ZFHX3: variants seen among roughly 807,000 people sequenced by gnomAD.
ZFHX3 encodes the protein zinc finger homeobox 3.
In ZFHX3, 42 loss-of-function variants were observed where a neutral mutation model predicts 279.1. The ratio of observed to expected loss-of-function variants is 0.15; its 90% CI spans 0.12 to 0.19. The LOEUF (loss-of-function observed/expected upper bound fraction) is 0.19, where lower values mean the gene tolerates loss of function less well. Among genes scored for constraint, ZFHX3 ranks in the 10% least tolerant of loss-of-function variants. The pLI is 1.00. For missense variants in ZFHX3, 4,981 were observed against 4,754.0 expected, an observed-to-expected ratio of 1.05 and a Z score of -1.40; for synonymous variants, 2,293 against 1,957.8, an observed-to-expected ratio of 1.17 and a Z score of -4.52.
intron 2 of ZFHX3, among the ~76,000 whole-genome samples, chr16:73,508,379 G>C (rs1318782390): frequency 2.0e-5 from 3 of 152,226 alleles, no homozygotes; most frequent in Non-Finnish European, 4.4e-5. Flanking sequence ...AAGAGGAGGA[G>C]GAGGAAATGC....
chr16:73,515,300 C>G (rs1356598128), intron 2 of ZFHX3, among the ~76,000 whole-genome samples: 1 of 152,154 alleles, frequency 6.6e-6, no homozygotes, highest in East Asian at 1.9e-4. Context: ...ACACCACCTT[C>G]AATAGGAGCA....
At chr16:73,402,570 C>T (rs962918120) in intron 3 of ZFHX3, 6 of 152,212 alleles carry the variant, frequency 3.9e-5, no homozygotes, top group African/African-American at 1.4e-4. Flanking sequence ...AGACCAGGAA[C>T]GACCTGTGGA....
chr16:73,856,631 T>C (rs986849835), intron 1 of ZFHX3, among the ~76,000 whole-genome samples: 3 of 152,248 alleles, frequency 2.0e-5, no homozygotes. Context: ...GCCTGTAGCA[T>C]CTGTGAATAC....
chr16:73,521,612 G>A (rs1467242249), intron 2 of ZFHX3, among the ~76,000 whole-genome samples: 1 of 151,996 alleles, frequency 6.6e-6, no homozygotes, highest in East Asian at 1.9e-4. Context: ...AGGCCGTTGT[G>A]AGAAAATGTA....
At chr16:73,308,730 A>G (rs1458312307) in intron 4 of ZFHX3, among the ~76,000 whole-genome samples, 1 of 152,058 alleles carries the variant, frequency 6.6e-6, no homozygotes, top group Non-Finnish European at 1.5e-5. Context: ...TGTTTTCAGA[A>G]CCATTTTTGA....
intron 7 of ZFHX3, among the ~76,000 whole-genome samples, chr16:73,115,266 C>A (rs1469690810): frequency 3.3e-5 from 5 of 149,692 alleles, no homozygotes; most frequent in African/African-American, 7.4e-5. Context: ...CCAGGCCAGG[C>A]GTGATGGCTC....
chr16:73,350,498 G>A (rs1208700916), intron 3 of ZFHX3, among the ~76,000 whole-genome samples: 1 of 152,156 alleles, frequency 6.6e-6, no homozygotes, highest in South Asian at 2.1e-4. Context: ...TCAAGAGGTG[G>A]TACTTGGGAT....
chr16:73,693,326 T>C (rs1243918954), intron 1 of ZFHX3, among the ~76,000 whole-genome samples: 1 of 152,138 alleles, frequency 6.6e-6, no homozygotes, highest in Non-Finnish European at 1.5e-5. Flanking sequence ...TTTATTGTGA[T>C]GTTTGCATTT....
chr16:73,818,681 A>G (rs1399830920), intron 1 of ZFHX3, among the ~76,000 whole-genome samples: 1 of 152,208 alleles, frequency 6.6e-6, no homozygotes, highest in Non-Finnish European at 1.5e-5. Flanking sequence ...AAATGCCTTC[A>G]AGGTAAGGGA....
At chr16:73,084,812 G>A (rs530892634) in intron 8 of ZFHX3, among the ~76,000 whole-genome samples, 6 of 152,218 alleles carry the variant, frequency 3.9e-5, no homozygotes, top group East Asian at 1.9e-4. Flanking sequence ...GAGCCACCGC[G>A]TCTGGCCATA....
intron 1 of ZFHX3, among the ~76,000 whole-genome samples, chr16:73,758,183 A>G (rs1376853870): frequency 3.3e-5 from 5 of 152,106 alleles, no homozygotes; most frequent in African/African-American, 1.2e-4. Context: ...GGTTGTTACA[A>G]AGTTCATTGT....
At chr16:73,511,200 C>T (rs997769943) in intron 2 of ZFHX3, among the ~76,000 whole-genome samples, 2 of 152,220 alleles carry the variant, frequency 1.3e-5, no homozygotes, top group African/African-American at 2.4e-5. Context: ...AAAAGTTCCT[C>T]GCAAGTTCCA....
At chr16:73,095,875 C>G (rs1183010847) in intron 7 of ZFHX3, among the ~76,000 whole-genome samples, 2 of 152,324 alleles carry the variant, frequency 1.3e-5, no homozygotes, top group Admixed American at 6.5e-5. Flanking sequence ...TTTTAATAAA[C>G]CATTTTCAAC....
At chr16:73,823,535 G>T (rs1355708617) in intron 1 of ZFHX3, among the ~76,000 whole-genome samples, 2 of 152,212 alleles carry the variant, frequency 1.3e-5, no homozygotes, top group Non-Finnish European at 2.9e-5. Context: ...ATCTAGAATA[G>T]GGGTTGACCA....
chr16:73,303,323 G>A (rs2015102539), intron 4 of ZFHX3, among the ~76,000 whole-genome samples: 1 of 152,136 alleles, frequency 6.6e-6, no homozygotes, highest in South Asian at 2.1e-4. Context: ...CCATTATGTT[G>A]GGCCGAGCAA....
chr16:73,786,925 G>C lies in ZFHX3; in HGVS notation c.-1608+104726C>G, dbSNP rs1392793986. Among the ~76,000 whole-genome samples the C allele has an allele frequency of 3.3e-5, 5 of 152,150 alleles. No homozygotes were observed. In the East Asian group the frequency reaches 9.6e-4, roughly 29 times the overall value. ...TTTCATGTTCCAGCACCTCAGACTG[G>C]CTCAATTCTTGGTGTTGTCTTTTTC... On this transcript the variant is annotated intron_variant, in intron 1 of 17. Transcript: ENST00000641206.
chr16:73,396,643 A>T (rs1428058823), intron 3 of ZFHX3, among the ~76,000 whole-genome samples: 1 of 152,090 alleles, frequency 6.6e-6, no homozygotes. Flanking sequence ...CAGAAGGGGG[A>T]AGTGTGCCAG....
chr16:73,197,699 TA>T (rs1567416070), intron 5 of ZFHX3, among the ~76,000 whole-genome samples: 1 of 152,138 alleles, frequency 6.6e-6, no homozygotes, highest in Non-Finnish European at 1.5e-5. Context: ...AGCCTGAGGG[TA>T]AAAAACAATG....
chr16:73,074,096 G>C (rs1449364403), intron 8 of ZFHX3, among the ~76,000 whole-genome samples: 2 of 152,234 alleles, frequency 1.3e-5, no homozygotes, highest in African/African-American at 4.8e-5. Context: ...AGATATAAGA[G>C]AGGGTAGAGA....
Sources: gnomAD v4.1 joint callset for allele counts (sites outside exome capture counted in the v4.1 genomes callset) on GRCh38, gnomAD v4.1.1 for gene constraint, MANE v1.5 for transcripts, NCBI Gene and HGNC (gene_info 2026-07-23, HGNC 2026-07-21) for gene names.